Variants in KCNIP4 observed in about 807,000 individuals in gnomAD.
KCNIP4 encodes the protein potassium voltage-gated channel interacting protein 4, also known as Kv channel-interacting protein 4.
In KCNIP4, 12 loss-of-function variants were observed where a neutral mutation model predicts 34.0. That is an observed-to-expected ratio of 0.35 (90% CI 0.23 to 0.57). KCNIP4 has a LOEUF of 0.57. Ranked by LOEUF, KCNIP4 falls within the 20% of genes least tolerant of loss-of-function variation. KCNIP4 has a pLI of 0.83. For missense variants in KCNIP4, 238 were observed against 311.7 expected (o/e 0.76, Z 1.78); for synonymous variants, 124 against 102.2 (o/e 1.21, Z -1.29).
At chr4:21,366,542 A>C (rs1719783092) in intron 1 of KCNIP4, among the ~76,000 whole-genome samples, 1 of 152,214 alleles carries the variant, frequency 6.6e-6, no homozygotes, top group African/African-American at 2.4e-5. Flanking sequence ...TAACGATGGG[A>C]CTGCAAAAAG....
intron 1 of KCNIP4, among the ~76,000 whole-genome samples, chr4:21,312,586 T>G (rs1713304287): frequency 6.6e-6 from 1 of 152,210 alleles, no homozygotes; most frequent in Admixed American, 6.5e-5. Context: ...CTTCGGTTTC[T>G]CATACTTCTC....
At chr4:20,767,979 T>C (rs761589464) in intron 3 of KCNIP4, among the ~76,000 whole-genome samples, 1 of 152,234 alleles carries the variant, frequency 6.6e-6, no homozygotes, top group East Asian at 1.9e-4. Flanking sequence ...GCTCGGTCTA[T>C]CAGTTAAAAT....
chr4:21,547,027 A>G (rs990014021), intron 1 of KCNIP4, among the ~76,000 whole-genome samples: 2 of 152,128 alleles, frequency 1.3e-5, no homozygotes, highest in African/African-American at 4.8e-5. Context: ...TCCTCATCAC[A>G]TTCATATTGC....
chr4:20,746,890 T>A lies in KCNIP4; in HGVS notation c.429+2772A>T, dbSNP rs75454401. 3.9e-3 allele frequency among the ~76,000 whole-genome samples: 595 copies of A among 152,292 alleles called. 6 individuals carry two copies. Among genetic ancestry groups the A allele is most frequent in the African/African-American group, 0.013 (558 of 41,570 alleles). On this transcript the variant is annotated intron_variant, in intron 5 of 8. Transcript: ENST00000382152. ...ATGGTCTCTCTACTGTACCTCTCAGTATGCTATTGCTATTATTCAAAATGT... is the reference window on the plus strand; with the variant it reads ...ATGGTCTCTCTACTGTACCTCTCAGAATGCTATTGCTATTATTCAAAATGT...
At chr4:21,944,709 T>C (rs1730406077) in intron 1 of KCNIP4, among the ~76,000 whole-genome samples, 1 of 152,074 alleles carries the variant, frequency 6.6e-6, no homozygotes, top group Non-Finnish European at 1.5e-5. Flanking sequence ...GATAAAGTGG[T>C]GGACAGGACA....
At chr4:21,795,466 T>C (rs1720561493) in intron 1 of KCNIP4, among the ~76,000 whole-genome samples, 1 of 152,164 alleles carries the variant, frequency 6.6e-6, no homozygotes, top group Non-Finnish European at 1.5e-5. Context: ...GCAATGTCTA[T>C]GAGGCAAAGT....
chr4:21,717,370 A>G lies in KCNIP4; in HGVS notation c.61+231201T>C, dbSNP rs184857811. Among the ~76,000 whole-genome samples the G allele has an allele frequency of 2.3e-3, 353 of 152,296 alleles. 6 individuals are homozygous for G. Among genetic ancestry groups the G allele is most frequent in the Admixed American group, 3.1e-3 (48 of 15,290 alleles). ...TCAGATTTTACACATGATTTTCACA[A>G]TATTATCTATATAATTTGCTATATA... On this transcript the variant is annotated intron_variant, in intron 1 of 8. Transcript: ENST00000382152.
intron 1 of KCNIP4, among the ~76,000 whole-genome samples, chr4:21,501,688 T>TTGTGTGTGTG (rs370071298): frequency 0.049 from 6,246 of 127,244 alleles, 223 homozygotes; most frequent in Admixed American, 0.057. Context: ...TGCAGAAGCC[T>TTGTGTGTGTG]TGTGTGTGTG....
intron 1 of KCNIP4, among the ~76,000 whole-genome samples, chr4:21,035,284 C>T (rs1312728636): frequency 6.6e-6 from 1 of 152,112 alleles, no homozygotes; most frequent in East Asian, 1.9e-4. Context: ...ATTTCCAAGG[C>T]TAATTTTAAT....
At chr4:21,124,860 A>G (rs569799108) in intron 1 of KCNIP4, among the ~76,000 whole-genome samples, 1 of 152,104 alleles carries the variant, frequency 6.6e-6, no homozygotes, top group South Asian at 2.1e-4. Context: ...CATCTACATG[A>G]TCTCAACTCC....
chr4:20,940,956 G>A lies in KCNIP4; in HGVS notation c.62-58247C>T, dbSNP rs746855213. On this transcript the variant is annotated intron_variant, in intron 1 of 8. Transcript: ENST00000382152. Reference sequence around the variant, plus strand: ...AACCATTTAATGCCTGAGTGACAATGAGCACATTTCTCAGCCACTCTTGGC... The same window carrying A: ...AACCATTTAATGCCTGAGTGACAATAAGCACATTTCTCAGCCACTCTTGGC... 3.3e-5 allele frequency among the ~76,000 whole-genome samples: 5 copies of A among 152,266 alleles called. No homozygotes were observed. In the East Asian group the frequency reaches 5.8e-4, roughly 18 times the overall value.
At chr4:21,917,388 G>T (rs1274945892) in intron 1 of KCNIP4, among the ~76,000 whole-genome samples, 1 of 152,046 alleles carries the variant, frequency 6.6e-6, no homozygotes, top group East Asian at 1.9e-4. Context: ...ACCCACCTTG[G>T]CCTCCCAAAG....
rs538887272 is a variant in KCNIP4, at chr4:21,834,014, G to C, written c.61+114557C>G. On this transcript the variant is annotated intron_variant, in intron 1 of 8. Transcript: ENST00000382152. ...CTGTAGCCTTGTAGTATAGTTTGAAGTCAGGTAGTGTGATGCCTCCAGCTT... is the reference window on the plus strand; with the variant it reads ...CTGTAGCCTTGTAGTATAGTTTGAACTCAGGTAGTGTGATGCCTCCAGCTT... Among the ~76,000 whole-genome samples, 337 of 152,218 alleles carry C rather than the reference G, an allele frequency of 2.2e-3. 2 individuals are homozygous for C. The highest frequency in any genetic ancestry group is 7.6e-3 in the African/African-American group (314 of 41,516).
chr4:21,243,617 C>T (rs920228283), intron 1 of KCNIP4, among the ~76,000 whole-genome samples: 2 of 152,080 alleles, frequency 1.3e-5, no homozygotes, highest in Non-Finnish European at 2.9e-5. Flanking sequence ...TGCAGTAACT[C>T]CAGAACTAGA....
intron 1 of KCNIP4, among the ~76,000 whole-genome samples, chr4:21,489,496 T>C (rs1212506239): frequency 1.3e-5 from 2 of 152,140 alleles, no homozygotes; most frequent in African/African-American, 4.8e-5. Flanking sequence ...TTACCTGAGT[T>C]CTTTTCATTA....
At chr4:21,874,382 T>C (rs1725977840) in intron 1 of KCNIP4, among the ~76,000 whole-genome samples, 1 of 152,236 alleles carries the variant, frequency 6.6e-6, no homozygotes, top group Admixed American at 6.5e-5. Flanking sequence ...TGAGGCCGTC[T>C]GTCCAAACTG....
intron 1 of KCNIP4, among the ~76,000 whole-genome samples, chr4:21,266,144 T>G (rs764767489): frequency 2.0e-5 from 3 of 152,200 alleles, no homozygotes; most frequent in Non-Finnish European, 4.4e-5. Context: ...TCTTTCCACA[T>G]GTACAGAGCC....
intron 1 of KCNIP4, among the ~76,000 whole-genome samples, chr4:21,185,208 G>A (rs557635510): frequency 1.5e-4 from 23 of 152,060 alleles, no homozygotes; most frequent in Non-Finnish European, 2.5e-4. Flanking sequence ...TATGATGAAC[G>A]CTTTCATTTT....
chr4:21,426,202 T>C (rs1385909956), intron 1 of KCNIP4, among the ~76,000 whole-genome samples: 1 of 152,244 alleles, frequency 6.6e-6, no homozygotes, highest in East Asian at 1.9e-4. Flanking sequence ...CACTTTATTG[T>C]GATTCAATTT....
Sources: gnomAD v4.1 joint callset for allele counts (sites outside exome capture counted in the v4.1 genomes callset) on GRCh38, gnomAD v4.1.1 for gene constraint, MANE v1.5 for transcripts, NCBI Gene and HGNC (gene_info 2026-07-23, HGNC 2026-07-21) for gene names.